Variants in TFDP2 observed in about 807,000 individuals in gnomAD.
TFDP2 encodes the protein transcription factor Dp-2, also known as transcription factor Dp-2 (E2F dimerization partner 2).
In TFDP2, 17 loss-of-function variants were observed where a neutral mutation model predicts 59.3. The ratio of observed to expected loss-of-function variants is 0.29; its 90% CI spans 0.20 to 0.43. The LOEUF (loss-of-function observed/expected upper bound fraction) is 0.43, where lower values mean the gene tolerates loss of function less well. Among genes scored for constraint, TFDP2 ranks in the 20% least tolerant of loss-of-function variants. The pLI, the probability that TFDP2 is intolerant of heterozygous loss-of-function variation, is 1.00. For missense variants in TFDP2, 391 were observed against 528.8 expected (o/e 0.74, Z 2.56); for synonymous variants, 180 against 194.7 (o/e 0.92, Z 0.63).
intron 7 of TFDP2, among the ~76,000 whole-genome samples, 163 bp from the exon 8 acceptor site, chr3:141,974,354 G>A (rs1940276382): frequency 6.6e-6 from 1 of 151,636 alleles, no homozygotes. Flanking sequence ...TATATTCCGA[G>A]AAAATATCCT....
intron 3 of TFDP2, among the ~76,000 whole-genome samples, chr3:142,075,534 C>T (rs13078176): frequency 0.05 from 7,618 of 152,066 alleles, 660 homozygotes; most frequent in East Asian, 0.38. Flanking sequence ...AAATGGTAAA[C>T]TCACCTGGCT....
intron 3 of TFDP2, among the ~76,000 whole-genome samples, chr3:142,051,037 C>T (rs1947599964): frequency 6.6e-6 from 1 of 152,136 alleles, no homozygotes. Flanking sequence ...TGTAAAATAA[C>T]AAAATCGAAA....
intron 10 of TFDP2, 60 bp downstream of exon 10, chr3:141,963,752 A>C (rs1250984133): frequency 1.3e-6 from 2 of 1,538,044 alleles, no homozygotes; most frequent in Non-Finnish European, 1.7e-6. Flanking sequence ...TGAGTTTGCA[A>C]ATGATATGAA....
At chr3:142,010,074 TA>T (rs1944539152) in intron 3 of TFDP2, among the ~76,000 whole-genome samples, 1 of 152,204 alleles carries the variant, frequency 6.6e-6, no homozygotes, top group Non-Finnish European at 1.5e-5. Flanking sequence ...CTGACTACTT[TA>T]AAAATCAAAA....
At position 141,968,632 on chromosome 3, in the gene TFDP2, AAC is replaced by A. The variant is rs1457987392; in HGVS notation, c.732+1439_732+1440del. Among the ~76,000 whole-genome samples the A allele has an allele frequency of 6.8e-4, 72 of 105,996 alleles. 2 individuals are homozygous for A. The highest frequency in any genetic ancestry group is 2.1e-3 in the African/African-American group (50 of 23,282). 69.5% of individuals were successfully genotyped at this position (105,996 alleles called of 152,430 possible). On this transcript the variant is annotated intron_variant, in intron 9 of 12. Transcript: ENST00000489671. Reference sequence around the variant, plus strand: ...ATATATCTCATATATAGATATATATAACACATATATATCTCATATATAGATAT... The same window carrying A: ...ATATATCTCATATATAGATATATATAACATATATATCTCATATATAGATAT...
intron 7 of TFDP2, among the ~76,000 whole-genome samples, chr3:141,975,465 G>A (rs1030167317): frequency 1.6e-4 from 25 of 152,048 alleles, no homozygotes; most frequent in Admixed American, 3.9e-4. Flanking sequence ...GGCCAAGGTG[G>A]GCGGATCACC....
chr3:142,085,650 C>T (rs556728126), intron 3 of TFDP2, among the ~76,000 whole-genome samples: 56 of 152,064 alleles, frequency 3.7e-4, no homozygotes, highest in African/African-American at 1.1e-3. Flanking sequence ...TACATCTGAG[C>T]GCAAGGACAA....
chr3:142,009,174 C>G (rs780280722), intron 3 of TFDP2, among the ~76,000 whole-genome samples: 5 of 152,136 alleles, frequency 3.3e-5, no homozygotes, highest in African/African-American at 4.8e-5. Context: ...AACAGGTGCA[C>G]AAATGATAAA....
At chr3:142,008,732 A>G (rs912786149) in intron 3 of TFDP2, among the ~76,000 whole-genome samples, 9 of 151,620 alleles carry the variant, frequency 5.9e-5, no homozygotes, top group South Asian at 2.1e-4. Context: ...TATAAAGTGT[A>G]TATATATATA....
intron 3 of TFDP2, among the ~76,000 whole-genome samples, chr3:142,020,307 G>A (rs1945487667): frequency 6.6e-6 from 1 of 152,010 alleles, no homozygotes; most frequent in African/African-American, 2.4e-5. Flanking sequence ...AGGCCAAGGT[G>A]GGTGGATAAG....
chr3:142,115,720 ATGT>A (rs1454502173), intron 1 of TFDP2, among the ~76,000 whole-genome samples: 2 of 152,176 alleles, frequency 1.3e-5, no homozygotes, highest in Admixed American at 6.5e-5. Context: ...TCATACTATG[ATGT>A]TGTTTTTTTC....
chr3:142,089,509 T>C (rs892299262), intron 3 of TFDP2, among the ~76,000 whole-genome samples: 9 of 151,984 alleles, frequency 5.9e-5, no homozygotes, highest in Non-Finnish European at 2.9e-5. Context: ...CTTAAAAGGG[T>C]TTAATTAGGC....
intron 3 of TFDP2, among the ~76,000 whole-genome samples, chr3:142,013,215 T>C (rs1944861096): frequency 6.6e-6 from 1 of 151,010 alleles, no homozygotes; most frequent in African/African-American, 2.4e-5. Flanking sequence ...CCATAGCTAC[T>C]AAAACAAGTT....
At chr3:142,105,858 TTTC>T (rs1225163714) in intron 1 of TFDP2, among the ~76,000 whole-genome samples, 1 of 152,182 alleles carries the variant, frequency 6.6e-6, no homozygotes, top group African/African-American at 2.4e-5. Flanking sequence ...TGTGTCTCAA[TTTC>T]TTCATCTCTA....
intron 1 of TFDP2, among the ~76,000 whole-genome samples, chr3:142,112,734 T>G (rs1475896501): frequency 6.6e-6 from 1 of 152,198 alleles, no homozygotes; most frequent in Non-Finnish European, 1.5e-5. Flanking sequence ...TTGCCCAAGC[T>G]GGTCTCAAAT....
chr3:142,098,195 T>G (rs1560141113), intron 2 of TFDP2, among the ~76,000 whole-genome samples: 2 of 151,938 alleles, frequency 1.3e-5, no homozygotes, highest in African/African-American at 4.8e-5. Flanking sequence ...TTTCTTTTCT[T>G]TATCTGTATT....
At chr3:142,125,397 C>A (rs1310937303) in intron 1 of TFDP2, among the ~76,000 whole-genome samples, 1 of 152,112 alleles carries the variant, frequency 6.6e-6, no homozygotes, top group Non-Finnish European at 1.5e-5. Flanking sequence ...CAGGCATAAT[C>A]TTTTATGGAG....
chr3:142,039,390 T>G (rs1169075830), intron 3 of TFDP2, among the ~76,000 whole-genome samples: 2 of 152,144 alleles, frequency 1.3e-5, no homozygotes, highest in African/African-American at 2.4e-5. Context: ...TTTTTTGGGT[T>G]GTTGTTGTTG....
chr3:142,140,622 T>G (rs2062912390), intron 1 of TFDP2, among the ~76,000 whole-genome samples: 1 of 152,216 alleles, frequency 6.6e-6, no homozygotes, highest in Admixed American at 6.5e-5. Flanking sequence ...AGTCAGGTCC[T>G]TCAGCTGCAG....
Sources: allele counts gnomAD v4.1 joint callset (sites outside exome capture counted in the v4.1 genomes callset), GRCh38; gene constraint gnomAD v4.1.1; transcripts MANE v1.5; gene names NCBI Gene and HGNC (gene_info 2026-07-23, HGNC 2026-07-21).